LDAH: variants seen among roughly 807,000 people sequenced by gnomAD.
LDAH encodes the protein lipid droplet associated hydrolase.
In LDAH, 26 loss-of-function variants were observed where a neutral mutation model predicts 29.6. The observed-to-expected ratio is 0.88, with a 90% CI of 0.64 to 1.22. LDAH has a LOEUF of 1.22. Among genes scored for constraint, LDAH ranks in the 50% most tolerant of loss-of-function variants. LDAH has a pLI of 0.00. For missense variants in LDAH, 344 were observed against 387.3 expected, an observed-to-expected ratio of 0.89 and a Z score of 0.94; for synonymous variants, 117 against 133.0, an observed-to-expected ratio of 0.88 and a Z score of 0.83.
At position 20,752,218 on chromosome 2, in the gene LDAH, T is replaced by A. The variant is rs562921821; in HGVS notation, c.469-12013A>T. On this transcript the variant is annotated intron_variant, in intron 4 of 6. Coordinates refer to ENST00000237822, the MANE Select transcript of LDAH (RefSeq NM_021925.4). ...AGACAGTAGTATTTAAAAAAAAAAATTTATACTTCAATTTAAAAATATCAG... is the reference window on the plus strand; with the variant it reads ...AGACAGTAGTATTTAAAAAAAAAAAATTATACTTCAATTTAAAAATATCAG... Among the ~76,000 whole-genome samples the A allele has an allele frequency of 1.7e-3, 262 of 151,660 alleles. 1 individual carries two copies. The highest frequency in any genetic ancestry group is 6.8e-3 in the Middle Eastern group (2 of 294).
chr2:20,814,234 G>C (rs1057157603), intron 1 of LDAH, among the ~76,000 whole-genome samples: 16 of 150,076 alleles, frequency 1.1e-4, no homozygotes, highest in Non-Finnish European at 1.8e-4. Flanking sequence ...GACAATGGGG[G>C]GGGGGGGTCC....
chr2:20,724,220 A>T (rs1344158785), intron 5 of LDAH, among the ~76,000 whole-genome samples: 1 of 152,160 alleles, frequency 6.6e-6, no homozygotes, highest in Non-Finnish European at 1.5e-5. Flanking sequence ...AAATTCATTC[A>T]TCTTCTCCTC....
intron 1 of LDAH, among the ~76,000 whole-genome samples, chr2:20,820,088 C>T (rs948278258): frequency 9.3e-5 from 14 of 151,304 alleles, no homozygotes; most frequent in African/African-American, 3.4e-4. Flanking sequence ...AGGAGAACTA[C>T]AAACCACTGC....
chr2:20,818,023 A>G (rs1672973553), intron 1 of LDAH, among the ~76,000 whole-genome samples: 1 of 152,196 alleles, frequency 6.6e-6, no homozygotes, highest in South Asian at 2.1e-4. Flanking sequence ...GTGATGGAAT[A>G]ATTCTTTATC....
chr2:20,774,753 A>G, intron 4 of LDAH, 57 bp downstream of exon 4: 1 of 1,522,400 alleles, frequency 6.6e-7, no homozygotes, highest in Non-Finnish European at 9.0e-7. Flanking sequence ...AAAGGTGAGG[A>G]GGATTTGTGC....
At chr2:20,740,832 T>A (rs6757647) in intron 4 of LDAH, among the ~76,000 whole-genome samples, 4,837 of 152,300 alleles carry the variant, frequency 0.032, 255 homozygotes, top group African/African-American at 0.11. Flanking sequence ...TAGCTTTGTA[T>A]GAAATCACCA....
intron 2 of LDAH, among the ~76,000 whole-genome samples, chr2:20,791,090 G>A (rs1039025148): frequency 6.6e-6 from 1 of 152,158 alleles, no homozygotes; most frequent in East Asian, 1.9e-4. Context: ...TCTGGTCTCT[G>A]CAATTACATG....
intron 5 of LDAH, among the ~76,000 whole-genome samples, chr2:20,715,972 A>G (rs1418068599): frequency 6.6e-6 from 1 of 152,144 alleles, no homozygotes; most frequent in Non-Finnish European, 1.5e-5. Context: ...AGACACATGA[A>G]AAAATGCTCA....
At chr2:20,773,046 G>C (rs554933293) in intron 4 of LDAH, among the ~76,000 whole-genome samples, 1 of 152,214 alleles carries the variant, frequency 6.6e-6, no homozygotes, top group Non-Finnish European at 1.5e-5. Flanking sequence ...GCTAAGTTTT[G>C]GGGCAATTTG....
intron 5 of LDAH, among the ~76,000 whole-genome samples, chr2:20,722,439 C>T (rs1373850158): frequency 6.7e-6 from 1 of 148,588 alleles, no homozygotes; most frequent in African/African-American, 2.5e-5. Context: ...TGGTCACTAC[C>T]AGAGGCTTAG....
chr2:20,760,041 T>G (rs1421291848), intron 4 of LDAH, among the ~76,000 whole-genome samples: 1 of 152,208 alleles, frequency 6.6e-6, no homozygotes, highest in African/African-American at 2.4e-5. Flanking sequence ...GATTTTGTTA[T>G]TACATCAAAT....
intron 4 of LDAH, among the ~76,000 whole-genome samples, chr2:20,763,696 C>T (rs1228492790): frequency 6.6e-6 from 1 of 152,234 alleles, no homozygotes; most frequent in Non-Finnish European, 1.5e-5. Flanking sequence ...ACACATCTCA[C>T]TAATTCCCAA....
chr2:20,811,777 C>A (rs957733109), intron 1 of LDAH, among the ~76,000 whole-genome samples: 42 of 152,268 alleles, frequency 2.8e-4, no homozygotes, highest in African/African-American at 1.0e-3. Flanking sequence ...AGCCACCTCA[C>A]CTGGCCTAAA....
At chr2:20,805,406 G>A (rs566083451) in intron 1 of LDAH, among the ~76,000 whole-genome samples, 104 of 152,200 alleles carry the variant, frequency 6.8e-4, no homozygotes, top group Middle Eastern at 3.4e-3. Context: ...ACACACCCAC[G>A]TAAAAGCAGC....
intron 3 of LDAH, among the ~76,000 whole-genome samples, chr2:20,781,673 C>T (rs1394097386): frequency 1.3e-5 from 2 of 152,340 alleles, no homozygotes; most frequent in South Asian, 4.1e-4. Context: ...TACTCAGATA[C>T]AGAAAGTCAC....
chr2:20,816,011 C>T (rs1395717732), intron 1 of LDAH, among the ~76,000 whole-genome samples: 1 of 151,856 alleles, frequency 6.6e-6, no homozygotes, highest in Admixed American at 6.6e-5. Context: ...GAGAAAGGAC[C>T]TACATGGAAG....
intron 6 of LDAH, among the ~76,000 whole-genome samples, chr2:20,692,988 G>A (rs1663149459): frequency 6.6e-6 from 1 of 152,186 alleles, no homozygotes; most frequent in Non-Finnish European, 1.5e-5. Context: ...GTAGTGCAGT[G>A]AGTACAGTGT....
Position 20,728,608 on chromosome 2 carries a change from C to T in LDAH, c.703+11363G>A, listed in dbSNP as rs73241141. On this transcript the variant is annotated intron_variant, in intron 5 of 6. Coordinates refer to ENST00000237822, the MANE Select transcript of LDAH (RefSeq NM_021925.4). ...TCACCATAGTGATGGTAAGGGCAAG[C>T]CTGGGCGAAGGCAGCTTCTGTGAGG... Among the ~76,000 whole-genome samples, 241 of 152,122 alleles carry T rather than the reference C, an allele frequency of 1.6e-3. 1 individual carries two copies. The highest frequency in any genetic ancestry group is 4.9e-3 in the African/African-American group (202 of 41,510).
At chr2:20,772,425 G>A (rs959421239) in intron 4 of LDAH, among the ~76,000 whole-genome samples, 2 of 152,198 alleles carry the variant, frequency 1.3e-5, no homozygotes, top group African/African-American at 4.8e-5. Context: ...CCAAGTCATT[G>A]CCTACACCAG....
Sources: gnomAD v4.1 joint callset for allele counts (sites outside exome capture counted in the v4.1 genomes callset) on GRCh38, gnomAD v4.1.1 for gene constraint, MANE v1.5 for transcripts, NCBI Gene and HGNC (gene_info 2026-07-23, HGNC 2026-07-21) for gene names.